GRHL1: variants seen among roughly 807,000 people sequenced by gnomAD.
The protein encoded by GRHL1 is grainyhead like transcription factor 1.
In GRHL1, 38 loss-of-function variants were observed where a neutral mutation model predicts 75.7. That is an observed-to-expected ratio of 0.50 (90% CI 0.39 to 0.66). The LOEUF (loss-of-function observed/expected upper bound fraction) is 0.66, where lower values mean the gene tolerates loss of function less well. Among genes scored for constraint, GRHL1 ranks in the 30% least tolerant of loss-of-function variants. The probability of loss-of-function intolerance (pLI) is 0.00; values close to 1 mark genes in which losing one functional copy is unlikely to be tolerated. For synonymous variants in GRHL1, 266 were observed against 279.4 expected, an observed-to-expected ratio of 0.95 and a Z score of 0.48; for missense variants, 589 against 767.5, an observed-to-expected ratio of 0.77 and a Z score of 2.75.
At chr2:9,993,880 C>T (rs1198415713) in intron 12 of GRHL1, among the ~76,000 whole-genome samples, 1 of 152,184 alleles carries the variant, frequency 6.6e-6, no homozygotes, top group Non-Finnish European at 1.5e-5. Context: ...ATATCTCATT[C>T]CCCATCAAAC....
chr2:9,952,589 C>A (rs1666837472), intron 1 of GRHL1, among the ~76,000 whole-genome samples: 1 of 152,132 alleles, frequency 6.6e-6, no homozygotes, highest in Non-Finnish European at 1.5e-5. Flanking sequence ...GATTTAAAAG[C>A]GTATTTCGAC....
intron 3 of GRHL1, 22 bp downstream of exon 3, chr2:9,958,878 C>T: frequency 1.2e-6 from 2 of 1,611,856 alleles, no homozygotes; most frequent in Non-Finnish European, 1.7e-6. Context: ...TGCCTAACAG[C>T]ATAAAGAGTG....
chr2:9,961,860 C>G (rs796257789), intron 4 of GRHL1, among the ~76,000 whole-genome samples: 1 of 152,158 alleles, frequency 6.6e-6, no homozygotes, highest in African/African-American at 2.4e-5. Flanking sequence ...TCAGGGAGAG[C>G]ACAAATGCAT....
intron 2 of GRHL1, among the ~76,000 whole-genome samples, chr2:9,957,363 T>C (rs889347776): frequency 1.3e-5 from 2 of 152,004 alleles, no homozygotes; most frequent in Admixed American, 1.3e-4. Flanking sequence ...CATTATTACA[T>C]AATAATTTTG....
rs528270541 is a variant in GRHL1 at position 9,951,729 on chromosome 2, C to G, written c.-105C>G. ...AGCAAACCCAACCCGTCGGGGCCGC[C>G]GCTCCGGACCCGCAGCCGCCGCCGC... On this transcript the variant is annotated 5_prime_UTR_variant, in exon 1 of 16. Coordinates refer to ENST00000324907, the MANE Select transcript of GRHL1 (RefSeq NM_198182.3). This position sits in a 1 kb window ranked among gnomAD's most constrained non-coding sequence, Gnocchi z 4.2. The G allele has an allele frequency of 1.8e-6, 2 of 1,093,192 alleles. No individual in the cohort carries two copies. Among genetic ancestry groups the G allele is most frequent in the South Asian group, 2.8e-5 (2 of 70,802 alleles). 67.7% of individuals were successfully genotyped at this position (1,093,192 alleles called of 1,614,324 possible).
At chr2:9,974,767 C>G (rs575686238) in intron 8 of GRHL1, among the ~76,000 whole-genome samples, 7 of 152,318 alleles carry the variant, frequency 4.6e-5, no homozygotes, top group African/African-American at 1.7e-4. Context: ...GTCAGCTTCC[C>G]GAACTATACA....
Position 9,964,353 on chromosome 2 carries a change from A to G in GRHL1, c.1015+7A>G, listed in dbSNP as rs1667399999. ...CAAAGATGCATTGACATAGGTAAGC[A>G]GCTCAAGAGCCCGCTTTTATTCCCA... On this transcript the variant is annotated splice_region_variant and intron_variant, in intron 7 of 15. Coordinates refer to ENST00000324907, the MANE Select transcript of GRHL1 (RefSeq NM_198182.3). 1 of 1,447,872 alleles carries G rather than the reference A, an allele frequency of 6.9e-7. No individual in the cohort carries two copies. The highest frequency in any genetic ancestry group is 1.2e-5 in the South Asian group (1 of 84,748). 89.7% of individuals were successfully genotyped at this position (1,447,872 alleles called of 1,614,324 possible). A position where few individuals can be genotyped will look rare whatever the true frequency, so the allele number is the denominator to read the frequency against.
At chr2:9,952,169 G>A (rs1666812806) in intron 1 of GRHL1, among the ~76,000 whole-genome samples, 1 of 151,940 alleles carries the variant, frequency 6.6e-6, no homozygotes, top group Non-Finnish European at 1.5e-5. Context: ...CCCCCGGCGC[G>A]GTCGGGTGCG....
chr2:9,975,325 CTA>C, intron 8 of GRHL1, among the ~76,000 whole-genome samples: 1 of 152,310 alleles, frequency 6.6e-6, no homozygotes, highest in South Asian at 2.1e-4. Flanking sequence ...CAATTGAAAA[CTA>C]AAAGTGAATA....
At chr2:9,998,903 TG>T (rs1347066211) in intron 14 of GRHL1, 61 bp from the exon 15 acceptor site, 1 of 505,478 alleles carries the variant, frequency 2.0e-6, no homozygotes, top group Middle Eastern at 4.9e-4. Flanking sequence ...TATATATATT[TG>T]TTGTTTGGTT....
rs758459996 is a variant in GRHL1 at position 9,963,818 on chromosome 2, A to G, written c.747-68A>G. On this transcript the variant is annotated intron_variant, in intron 5 of 15. Coordinates refer to ENST00000324907, the MANE Select transcript of GRHL1 (RefSeq NM_198182.3). ...GTGAAAAAGATAGCAAATGCTATTT[A>G]TAATATGATGTATAGCAAGCTTCCA... 11 of 1,055,272 alleles carry G rather than the reference A, an allele frequency of 1.0e-5. No homozygotes were observed. In the South Asian group the frequency reaches 1.6e-4, roughly 16 times the overall value. 65.4% of individuals were successfully genotyped at this position (1,055,272 alleles called of 1,614,324 possible).
At chr2:9,973,492 G>A (rs895604303) in intron 8 of GRHL1, among the ~76,000 whole-genome samples, 1 of 152,164 alleles carries the variant, frequency 6.6e-6, no homozygotes, top group Non-Finnish European at 1.5e-5. Context: ...ATTCAACTTT[G>A]ATTTGTTAGT....
At position 9,982,411 on chromosome 2, in the gene GRHL1, T is replaced by TC. The variant is rs1187195571; in HGVS notation, c.1111-3710dup. On this transcript the variant is annotated intron_variant, in intron 8 of 15. Coordinates refer to ENST00000324907, the MANE Select transcript of GRHL1 (RefSeq NM_198182.3). ...TGGTAGGAAGCACCAAAAAAAACAG[T>TC]CCCAGCATCTCAAACCCATTCCAGG... Among the ~76,000 whole-genome samples, 5 of 152,152 alleles carry TC rather than the reference T, an allele frequency of 3.3e-5. No homozygotes were observed. The East Asian group carries it at 5.8e-4, about 18-fold the overall frequency.
chr2:9,951,747 G>A lies in GRHL1; in HGVS notation c.-87G>A, dbSNP rs1163165340. ...GGGCCGCCGCTCCGGACCCGCAGCCGCCGCCGCCGCCTCCTCCCCCCGGAT... is the reference window on the plus strand; with the variant it reads ...GGGCCGCCGCTCCGGACCCGCAGCCACCGCCGCCGCCTCCTCCCCCCGGAT... On this transcript the variant is annotated 5_prime_UTR_variant, in exon 1 of 16. Coordinates refer to ENST00000324907, the MANE Select transcript of GRHL1 (RefSeq NM_198182.3). This position sits in a 1 kb window ranked among gnomAD's most constrained non-coding sequence, Gnocchi z 4.2. The A allele has an allele frequency of 1.2e-5, 15 of 1,286,402 alleles. No individual in the cohort carries two copies. The highest frequency in any genetic ancestry group is 1.0e-4 in the Admixed American group (4 of 40,062). The allele number at this position is 1,286,402 out of a possible 1,614,324, so 79.7% of individuals were successfully genotyped here. A position where few individuals can be genotyped will look rare whatever the true frequency, so the allele number is the denominator to read the frequency against.
At chr2:9,960,738 G>C (rs548349795) in intron 3 of GRHL1, 2 of 256,652 alleles carry the variant, frequency 7.8e-6, no homozygotes, top group Non-Finnish European at 1.5e-5. Context: ...TGATCAGATC[G>C]CATAGCTTCA....
In GRHL1 at chr2:10,000,619, T is replaced by C. The variant is rs1669226623; in HGVS notation, c.1769T>C (p.Ile590Thr). The C allele has an allele frequency of 1.9e-6, 3 of 1,612,600 alleles. No individual in the cohort carries two copies. The highest frequency in any genetic ancestry group is 1.3e-5 in the African/African-American group (1 of 74,970). Residue 590 changes from isoleucine to threonine, a missense_variant, in exon 16 of 16, where the codon ATT (isoleucine) becomes ACT (threonine). By Grantham distance (89) the Ile-to-Thr change is moderately conservative. Transcript: ENST00000324907. ...KGILVNMDDN[I>T]VKHYSNEDTF... is the part of the protein sequence containing the mutation. ...ATCCTGGTGAACATGGACGACAACA[T>C]TGTGAAGCATTACTCCAATGAGGAC...
At chr2:9,957,319 T>C (rs1158412837) in intron 2 of GRHL1, among the ~76,000 whole-genome samples, 1 of 151,968 alleles carries the variant, frequency 6.6e-6, no homozygotes, top group African/African-American at 2.4e-5. Flanking sequence ...AACTGAATTA[T>C]TTGTTTCAGG....
chr2:9,989,426 G>A (rs754481208), intron 9 of GRHL1, among the ~76,000 whole-genome samples: 3 of 152,148 alleles, frequency 2.0e-5, no homozygotes, highest in East Asian at 1.9e-4. Flanking sequence ...ATTTTGGGCC[G>A]TGTTTGTTAC....
intron 8 of GRHL1, among the ~76,000 whole-genome samples, chr2:9,972,012 A>G (rs1667745716): frequency 1.3e-5 from 2 of 152,156 alleles, no homozygotes; most frequent in Non-Finnish European, 1.5e-5. Context: ...ACAGAAGCGT[A>G]CATTTGTCAT....
Sources: allele counts gnomAD v4.1 joint callset (sites outside exome capture counted in the v4.1 genomes callset), GRCh38; gene constraint gnomAD v4.1.1; non-coding constraint Gnocchi (gnomAD v3.1); transcripts MANE v1.5; gene names NCBI Gene and HGNC (gene_info 2026-07-23, HGNC 2026-07-21).